The following TNR variants were observed in gnomAD, a reference collection of about 807,000 sequenced individuals.
TNR encodes tenascin R.
Under a neutral mutation model 150.4 loss-of-function variants are expected in TNR, and 45 were observed. That is an observed-to-expected ratio of 0.30 (90% CI 0.24 to 0.38). The LOEUF (loss-of-function observed/expected upper bound fraction) is 0.38, where lower values mean the gene tolerates loss of function less well. TNR is among the 10% of genes least tolerant of loss of function. TNR has a pLI of 1.00. For synonymous variants in TNR, 687 were observed against 678.4 expected, an observed-to-expected ratio of 1.01 and a Z score of -0.20; for missense variants, 1,544 against 1,759.1, an observed-to-expected ratio of 0.88 and a Z score of 2.19.
At position 175,436,799 on chromosome 1, in the gene TNR, A is replaced by G. The variant is rs556211059; in HGVS notation, c.-63-30022T>C. On this transcript the variant is annotated intron_variant, in intron 2 of 22. Coordinates refer to ENST00000367674, the MANE Select transcript of TNR (RefSeq NM_003285.3). The stretch of plus-strand genomic sequence containing the variant: ...AAAGAGACAAAGAAGGCCATTACAT[A>G]ATGGTCAAGGGATCAATTCAACAAG... 8.3e-4 allele frequency among the ~76,000 whole-genome samples: 127 copies of G among 152,354 alleles called. 1 individual carries two copies. The highest frequency in any genetic ancestry group is 2.0e-3 in the Admixed American group (30 of 15,304).
intron 9 of TNR, among the ~76,000 whole-genome samples, chr1:175,372,722 A>C (rs1456405581): frequency 1.3e-5 from 2 of 152,218 alleles, no homozygotes; most frequent in Non-Finnish European, 2.9e-5. Flanking sequence ...TGCTAGCAAA[A>C]ACATGAGTAA....
At chr1:175,534,525 G>A (rs1232339755) in intron 1 of TNR, among the ~76,000 whole-genome samples, 1 of 152,212 alleles carries the variant, frequency 6.6e-6, no homozygotes, top group Non-Finnish European at 1.5e-5. Context: ...CTGCCCAAGT[G>A]CATCAGGGCT....
chr1:175,440,917 A>G (rs925924610), intron 2 of TNR, among the ~76,000 whole-genome samples: 2 of 152,192 alleles, frequency 1.3e-5, no homozygotes, highest in Middle Eastern at 3.2e-3. Flanking sequence ...CAATAAGCAA[A>G]TGAAGGGGGC....
chr1:175,396,958 G>A (rs1653457145), intron 4 of TNR, 151 bp from the exon 5 acceptor site: 5 of 1,039,674 alleles, frequency 4.8e-6, no homozygotes, highest in Non-Finnish European at 5.5e-6. Context: ...CTTCCTTTGT[G>A]AGCAGGCTCT....
At chr1:175,580,945 G>A (rs1031009223) in intron 1 of TNR, among the ~76,000 whole-genome samples, 2 of 152,080 alleles carry the variant, frequency 1.3e-5, no homozygotes, top group African/African-American at 4.8e-5. Flanking sequence ...GGGGGATGGG[G>A]GTCTCTGCTT....
chr1:175,394,412 T>G (rs1653326931), intron 5 of TNR, among the ~76,000 whole-genome samples: 1 of 152,184 alleles, frequency 6.6e-6, no homozygotes, highest in Non-Finnish European at 1.5e-5. Context: ...TAGAGTGATT[T>G]CCTTGATCAT....
chr1:175,604,091 G>C (rs1663336239), intron 1 of TNR, among the ~76,000 whole-genome samples: 1 of 152,026 alleles, frequency 6.6e-6, no homozygotes, highest in African/African-American at 2.4e-5. Flanking sequence ...GGAGTGAGGG[G>C]GTGGGGAGAT....
intron 1 of TNR, among the ~76,000 whole-genome samples, chr1:175,671,348 G>C (rs369955113): frequency 2.0e-5 from 3 of 152,248 alleles, no homozygotes; most frequent in Admixed American, 6.5e-5. Flanking sequence ...TGTGCAGCCA[G>C]GCAGACTTGC....
intron 2 of TNR, among the ~76,000 whole-genome samples, chr1:175,473,176 C>A (rs1218817198): frequency 3.3e-5 from 5 of 152,158 alleles, no homozygotes; most frequent in Non-Finnish European, 7.4e-5. Flanking sequence ...TGAAGACAAG[C>A]TGAGACTCCA....
chr1:175,455,797 C>G (rs1656549989), intron 2 of TNR, among the ~76,000 whole-genome samples: 1 of 152,200 alleles, frequency 6.6e-6, no homozygotes, highest in Non-Finnish European at 1.5e-5. Flanking sequence ...CCCTCCTAAA[C>G]AGGGCAGCCA....
intron 2 of TNR, among the ~76,000 whole-genome samples, chr1:175,418,439 T>A (rs1350423355): frequency 1.3e-5 from 2 of 152,136 alleles, no homozygotes; most frequent in African/African-American, 4.8e-5. Context: ...AAAAGGCAGT[T>A]GAGGCCGGGC....
chr1:175,601,311 G>A (rs1280122102), intron 1 of TNR, among the ~76,000 whole-genome samples: 3 of 152,128 alleles, frequency 2.0e-5, no homozygotes, highest in South Asian at 2.1e-4. Context: ...CGAAACCCTC[G>A]CCTTTGAGGT....
intron 1 of TNR, among the ~76,000 whole-genome samples, chr1:175,551,872 C>T (rs1660954453): frequency 6.6e-6 from 1 of 152,028 alleles, no homozygotes; most frequent in African/African-American, 2.4e-5. Context: ...CGTGTGTGCA[C>T]CTGTGTGAGT....
chr1:175,672,870 G>C (rs973376539), intron 1 of TNR, among the ~76,000 whole-genome samples: 1 of 152,074 alleles, frequency 6.6e-6, no homozygotes, highest in African/African-American at 2.4e-5. Context: ...TGCTAGGTTC[G>C]TCACTACTCT....
rs570424339 is a variant in TNR, at chr1:175,671,793, G to A, written c.-165+71433C>T. Among the ~76,000 whole-genome samples, 5 of 152,100 alleles carry A rather than the reference G, an allele frequency of 3.3e-5. No individual in the cohort carries two copies. In the South Asian group the frequency reaches 1.0e-3, roughly 32 times the overall value. On this transcript the variant is annotated intron_variant, in intron 1 of 22. Transcript: ENST00000367674. ...TTACCTCCAGGAACTGATCCTACTA[G>A]GCACATAAAATTGCACTTGTGATAG...
At chr1:175,724,418 C>T (rs1251871125) in intron 1 of TNR, among the ~76,000 whole-genome samples, 2 of 152,174 alleles carry the variant, frequency 1.3e-5, no homozygotes, top group Non-Finnish European at 2.9e-5. Flanking sequence ...ATAATGATGA[C>T]AGTACCAAGG....
intron 2 of TNR, among the ~76,000 whole-genome samples, chr1:175,512,884 C>G (rs1659247489): frequency 6.6e-6 from 1 of 152,182 alleles, no homozygotes; most frequent in Non-Finnish European, 1.5e-5. Flanking sequence ...TAAGCCAGCT[C>G]CAGTTGGTTT....
At chr1:175,613,114 G>A (rs7526889) in intron 1 of TNR, among the ~76,000 whole-genome samples, 43,603 of 152,080 alleles carry the variant, frequency 0.29, 6,547 homozygotes, top group East Asian at 0.48. Flanking sequence ...GCAGTGAAAG[G>A]TTGCCAGGAG....
At chr1:175,541,917 C>T (rs1238977584) in intron 1 of TNR, among the ~76,000 whole-genome samples, 5 of 152,266 alleles carry the variant, frequency 3.3e-5, no homozygotes, top group African/African-American at 9.6e-5. Flanking sequence ...TTTGTCCTAC[C>T]GAGATGGCAA....
Sources: gnomAD v4.1 joint callset for allele counts (sites outside exome capture counted in the v4.1 genomes callset) on GRCh38, gnomAD v4.1.1 for gene constraint, MANE v1.5 for transcripts, NCBI Gene and HGNC (gene_info 2026-07-23, HGNC 2026-07-21) for gene names.